The following DNAJC15 variants were observed in gnomAD, a reference collection of about 807,000 sequenced individuals.
DNAJC15 encodes the protein DnaJ heat shock protein family (Hsp40) member C15.
Under a neutral mutation model 22.4 loss-of-function variants are expected in DNAJC15, and 27 were observed. The observed-to-expected ratio is 1.20, with a 90% CI of 0.89 to 1.66. The LOEUF is 1.66. DNAJC15 is among the 40% of genes most tolerant of loss of function. DNAJC15 has a pLI of 0.00. For missense variants in DNAJC15, 208 were observed against 187.1 expected, an observed-to-expected ratio of 1.11 and a Z score of -0.65; for synonymous variants, 79 against 63.2, an observed-to-expected ratio of 1.25 and a Z score of -1.19.
At chr13:43,057,757 G>A (rs2153440526) in intron 1 of DNAJC15, among the ~76,000 whole-genome samples, 1 of 152,284 alleles carries the variant, frequency 6.6e-6, no homozygotes, top group East Asian at 1.9e-4. Flanking sequence ...GGGGCTCAAA[G>A]GCTGCTGTTC....
intron 4 of DNAJC15, among the ~76,000 whole-genome samples, chr13:43,081,595 C>T (rs1006377801): frequency 6.6e-6 from 1 of 151,842 alleles, no homozygotes; most frequent in Non-Finnish European, 1.5e-5. Context: ...CCCACCACCA[C>T]GCCTGGCTAA....
rs367830636 is a variant in DNAJC15, at chr13:43,026,778, TA to T, written c.108+3046del. ...GGCTGGACATGGTGGCTCATGCCTG[TA>T]ATTCTAGCAATTTGGAAGGTCAGGT... On this transcript the variant is annotated intron_variant, in intron 1 of 5. Transcript: ENST00000379221. 5.2e-4 allele frequency among the ~76,000 whole-genome samples: 79 copies of T among 152,358 alleles called. 2 individuals carry two copies. In the East Asian group the frequency reaches 9.2e-3, roughly 18 times the overall value.
intron 5 of DNAJC15, among the ~76,000 whole-genome samples, chr13:43,094,994 TG>T (rs1217944502): frequency 3.9e-5 from 6 of 152,132 alleles, no homozygotes; most frequent in African/African-American, 1.4e-4. Flanking sequence ...ATTCAACAGG[TG>T]GGGTTTTTTA....
rs2040706736 is a variant in DNAJC15, at chr13:43,090,042, A to G, written c.382+4204A>G. 3.3e-5 allele frequency among the ~76,000 whole-genome samples: 5 copies of G among 152,250 alleles called. No homozygotes were observed. In the South Asian group the frequency reaches 1.0e-3, roughly 31 times the overall value. ...ATGCCATATGCAAAATTAATTCTTA[A>G]TGGATTATAACCTGTTAAAAGAAAA... On this transcript the variant is annotated intron_variant, in intron 5 of 5. Coordinates refer to ENST00000379221, the MANE Select transcript of DNAJC15 (RefSeq NM_013238.3).
chr13:43,109,882 T>G lies in DNAJC15; in HGVS notation c.*2634T>G, dbSNP rs1002878846. 1 of 152,182 alleles carries G rather than the reference T, an allele frequency of 6.6e-6. No homozygotes were observed. The highest frequency in any genetic ancestry group is 1.5e-5 in the Non-Finnish European group (1 of 68,032). 9.4% of individuals were successfully genotyped at this position (152,182 alleles called of 1,614,324 possible). ...AATAAAAAGAAATTTTAAAAAATCC[T>G]GTCAAATAAGGTTATAGTAGAGAAT... On this transcript the variant is annotated 3_prime_UTR_variant, in exon 6 of 6. Transcript: ENST00000379221.
At chr13:43,038,758 C>T (rs538621077) in intron 1 of DNAJC15, among the ~76,000 whole-genome samples, 1 of 147,892 alleles carries the variant, frequency 6.8e-6, no homozygotes, top group South Asian at 2.1e-4. Context: ...CAGCACTGCA[C>T]TCCAGCATGG....
chr13:43,043,954 T>A (rs917876389), intron 1 of DNAJC15, among the ~76,000 whole-genome samples: 2 of 152,218 alleles, frequency 1.3e-5, no homozygotes, highest in Non-Finnish European at 2.9e-5. Flanking sequence ...AAATTTATAT[T>A]GGCTTGAAGA....
At chr13:43,044,616 T>C (rs2040467939) in intron 1 of DNAJC15, among the ~76,000 whole-genome samples, 1 of 152,200 alleles carries the variant, frequency 6.6e-6, no homozygotes. Context: ...AAAGACTTTA[T>C]TTTCTTTGTC....
intron 1 of DNAJC15, among the ~76,000 whole-genome samples, chr13:43,044,827 C>T (rs2040468923): frequency 2.0e-5 from 3 of 151,988 alleles, no homozygotes; most frequent in Admixed American, 2.0e-4. Flanking sequence ...TTCCTCATTT[C>T]CATCATTAAT....
intron 1 of DNAJC15, among the ~76,000 whole-genome samples, chr13:43,058,950 G>T (rs1278490887): frequency 2.6e-5 from 4 of 152,156 alleles, no homozygotes; most frequent in South Asian, 2.1e-4. Flanking sequence ...TCACACTTTG[G>T]GCACTTAACG....
intron 1 of DNAJC15, among the ~76,000 whole-genome samples, chr13:43,063,295 C>T (rs2040568044): frequency 6.6e-6 from 1 of 152,260 alleles, no homozygotes; most frequent in Non-Finnish European, 1.5e-5. Context: ...CAGGCGTGAG[C>T]CACCGCGTCC....
chr13:43,093,647 T>G (rs189661717), intron 5 of DNAJC15, among the ~76,000 whole-genome samples: 105 of 152,310 alleles, frequency 6.9e-4, no homozygotes, highest in Non-Finnish European at 1.0e-3. Flanking sequence ...ACTCCTGGAC[T>G]CAAGCCGTCC....
intron 1 of DNAJC15, among the ~76,000 whole-genome samples, chr13:43,047,065 G>C (rs1168996794): frequency 6.6e-6 from 1 of 152,112 alleles, no homozygotes; most frequent in Non-Finnish European, 1.5e-5. Context: ...AAGAACCCCA[G>C]GTCAGAGAAC....
At chr13:43,025,349 A>T (rs949952352) in intron 1 of DNAJC15, among the ~76,000 whole-genome samples, 4 of 152,082 alleles carry the variant, frequency 2.6e-5, no homozygotes, top group Non-Finnish European at 5.9e-5. Flanking sequence ...AATATTGGTG[A>T]CTTTTACATG....
At chr13:43,034,747 G>A (rs1300205725) in intron 1 of DNAJC15, among the ~76,000 whole-genome samples, 4 of 152,066 alleles carry the variant, frequency 2.6e-5, no homozygotes, top group Admixed American at 6.6e-5. Context: ...TTTGGCCATT[G>A]GGATCTCTTT....
Position 43,040,139 on chromosome 13 carries a change from T to C in DNAJC15, c.108+16405T>C, listed in dbSNP as rs1333708301. On this transcript the variant is annotated intron_variant, in intron 1 of 5. Transcript: ENST00000379221. Reference sequence around the variant, plus strand: ...ATGAACCTTGAGCTGCCTAGAAGACTGAACCTTTGAGAGCAGCTGTATCTG... The same window carrying C: ...ATGAACCTTGAGCTGCCTAGAAGACCGAACCTTTGAGAGCAGCTGTATCTG... Among the ~76,000 whole-genome samples the C allele has an allele frequency of 3.3e-5, 5 of 152,330 alleles. No individual in the cohort carries two copies. In the South Asian group the frequency reaches 6.2e-4, roughly 19 times the overall value.
chr13:43,054,997 C>T (rs73473966), intron 1 of DNAJC15, among the ~76,000 whole-genome samples: 1 of 151,402 alleles, frequency 6.6e-6, no homozygotes, highest in East Asian at 1.9e-4. Flanking sequence ...ACAATGGGCC[C>T]CAGTAAAAAC....
At chr13:43,046,290 ATTAAGT>A (rs1348069929) in intron 1 of DNAJC15, among the ~76,000 whole-genome samples, 1 of 152,052 alleles carries the variant, frequency 6.6e-6, no homozygotes, top group African/African-American at 2.4e-5. Context: ...TAGATTTTTA[ATTAAGT>A]TTAACTAGCA....
At chr13:43,097,735 C>T (rs890218606) in intron 5 of DNAJC15, among the ~76,000 whole-genome samples, 1 of 151,916 alleles carries the variant, frequency 6.6e-6, no homozygotes, top group Non-Finnish European at 1.5e-5. Flanking sequence ...GTCGGGAGTT[C>T]GAGACCAGCC....
Sources: gnomAD v4.1 joint callset for allele counts (sites outside exome capture counted in the v4.1 genomes callset) on GRCh38, gnomAD v4.1.1 for gene constraint, MANE v1.5 for transcripts, NCBI Gene and HGNC (gene_info 2026-07-23, HGNC 2026-07-21) for gene names.